IL1RAPL2: variants seen among roughly 807,000 people sequenced by gnomAD.
IL1RAPL2 encodes X-linked interleukin-1 receptor accessory protein-like 2.
Under a neutral mutation model 44.1 loss-of-function variants are expected in IL1RAPL2, and 3 were observed. That is an observed-to-expected ratio of 0.07 (90% CI 0.03 to 0.18). IL1RAPL2 has a LOEUF of 0.18. Among genes scored for constraint, IL1RAPL2 ranks in the 10% least tolerant of loss-of-function variants. The pLI is 1.00. For missense variants in IL1RAPL2, 391 were observed against 496.4 expected (o/e 0.79, Z 2.02); for synonymous variants, 181 against 178.8 (o/e 1.01, Z -0.10).
intron 2 of IL1RAPL2, among the ~76,000 whole-genome samples, chrX:104,924,194 A>T (rs1259476691): frequency 9.0e-6 from 1 of 111,708 alleles, no homozygotes; most frequent in Non-Finnish European, 1.9e-5. Flanking sequence ...AAAAACACTG[A>T]TAACAATACA....
chrX:105,103,216 T>C (rs1329760487), intron 2 of IL1RAPL2, among the ~76,000 whole-genome samples: 1 of 111,905 alleles, frequency 8.9e-6, no homozygotes, highest in Admixed American at 9.5e-5. Context: ...TTCTTCATTA[T>C]AACTGATTCT....
At chrX:105,058,300 G>T (rs774732635) in intron 2 of IL1RAPL2, among the ~76,000 whole-genome samples, 25 of 111,221 alleles carry the variant, frequency 2.2e-4, no homozygotes, top group Admixed American at 2.2e-3. Flanking sequence ...TGGTCAGGCT[G>T]GTCTCAAACT....
chrX:105,454,372 C>T (rs1257055158), intron 5 of IL1RAPL2, among the ~76,000 whole-genome samples: 4 of 111,415 alleles, frequency 3.6e-5, no homozygotes, highest in Admixed American at 1.9e-4. Context: ...GCCTTGAGGC[C>T]GAAGAGCCCC....
intron 6 of IL1RAPL2, among the ~76,000 whole-genome samples, chrX:105,493,919 G>T (rs1051601739): frequency 2.7e-5 from 3 of 111,791 alleles, no homozygotes; most frequent in African/African-American, 9.7e-5. Context: ...AAACTAATTT[G>T]TAAGCAGTAC....
At chrX:104,775,309 T>C (rs1216312471) in intron 2 of IL1RAPL2, among the ~76,000 whole-genome samples, 1 of 112,030 alleles carries the variant, frequency 8.9e-6, no homozygotes, top group African/African-American at 3.2e-5. Context: ...GATCAAATAA[T>C]CAGTGGCCAT....
chrX:105,572,482 T>A lies in IL1RAPL2; in HGVS notation c.772+88095T>A, dbSNP rs191177447. 2.6e-3 allele frequency among the ~76,000 whole-genome samples: 294 copies of A among 112,067 alleles called. 2 individuals are homozygous for A. The highest frequency in any genetic ancestry group is 9.1e-3 in the African/African-American group (280 of 30,904). On this transcript the variant is annotated intron_variant, in intron 6 of 10. Transcript: ENST00000372582. Reference sequence around the variant, plus strand: ...GATGACTTTTATATATTATCTTAAGTACAGGTATAACTTATTTTAAGTAAA... The same window carrying A: ...GATGACTTTTATATATTATCTTAAGAACAGGTATAACTTATTTTAAGTAAA...
At chrX:105,482,192 A>C (rs367728943) in intron 5 of IL1RAPL2, among the ~76,000 whole-genome samples, 31 of 112,141 alleles carry the variant, frequency 2.8e-4, no homozygotes, top group African/African-American at 8.7e-4. Context: ...GGCTCCTACT[A>C]TTAGAAATTG....
chrX:104,858,481 C>G (rs189966000), intron 2 of IL1RAPL2, among the ~76,000 whole-genome samples: 4 of 111,858 alleles, frequency 3.6e-5, no homozygotes, highest in Admixed American at 2.8e-4. Flanking sequence ...AACAAACAAA[C>G]TTGTAAACAA....
chrX:105,363,863 G>A (rs1396890546), intron 5 of IL1RAPL2, among the ~76,000 whole-genome samples: 1 of 110,944 alleles, frequency 9.0e-6, no homozygotes, highest in Non-Finnish European at 1.9e-5. Context: ...CTTATCAGAT[G>A]TATTGTTTGC....
intron 5 of IL1RAPL2, among the ~76,000 whole-genome samples, chrX:105,276,686 G>A (rs2034489023): frequency 8.9e-6 from 1 of 112,258 alleles, no homozygotes; most frequent in African/African-American, 3.2e-5. Flanking sequence ...CAGCCTGTAT[G>A]CTAAATTCAA....
At chrX:104,905,911 T>G (rs1280167346) in intron 2 of IL1RAPL2, among the ~76,000 whole-genome samples, 2 of 110,505 alleles carry the variant, frequency 1.8e-5, no homozygotes, top group Non-Finnish European at 3.8e-5. Flanking sequence ...GCCATTTTCA[T>G]GATATTGATT....
At chrX:105,193,111 A>C (rs12834373) in intron 2 of IL1RAPL2, among the ~76,000 whole-genome samples, 1 of 112,140 alleles carries the variant, frequency 8.9e-6, no homozygotes, top group Non-Finnish European at 1.9e-5. Flanking sequence ...GCCAAAGCAG[A>C]CTGTTAACAT....
At chrX:105,378,166 T>C (rs999908001) in intron 5 of IL1RAPL2, among the ~76,000 whole-genome samples, 7 of 111,542 alleles carry the variant, frequency 6.3e-5, no homozygotes, top group Non-Finnish European at 5.7e-5. Context: ...ACAAATAGTC[T>C]GTACTTCAGA....
intron 2 of IL1RAPL2, among the ~76,000 whole-genome samples, chrX:104,907,190 T>C (rs1380304227): frequency 7.2e-5 from 8 of 111,862 alleles, no homozygotes; most frequent in African/African-American, 2.6e-4. Context: ...GATTCTTCTC[T>C]CTCTTTTTCT....
chrX:105,231,166 G>C (rs1556195233), intron 3 of IL1RAPL2, among the ~76,000 whole-genome samples: 1 of 112,441 alleles, frequency 8.9e-6, no homozygotes, highest in East Asian at 2.8e-4. Context: ...ATCCAGCAGA[G>C]ATGATTACCT....
At position 105,690,066 on chromosome X, in the gene IL1RAPL2, T is replaced by C. The variant is rs183589857; in HGVS notation, c.773-27301T>C. 4.5e-3 allele frequency among the ~76,000 whole-genome samples: 499 copies of C among 109,973 alleles called. 6 individuals carry two copies. Among genetic ancestry groups the C allele is most frequent in the African/African-American group, 0.016 (474 of 30,169 alleles). On this transcript the variant is annotated intron_variant, in intron 6 of 10. Transcript: ENST00000372582. ...GGGAACATGACACACCAGGGCCTGT[T>C]GGAGGATGGGGGGCTTGGGGAGGGA... is the stretch of plus-strand genomic sequence containing the variant.
intron 5 of IL1RAPL2, among the ~76,000 whole-genome samples, chrX:105,276,159 A>G (rs145988499): frequency 8.9e-6 from 1 of 112,398 alleles, no homozygotes; most frequent in Non-Finnish European, 1.9e-5. Context: ...TAATCCCACC[A>G]CTTTGGGAGA....
rs545243077 is a variant in IL1RAPL2, at chrX:105,153,995, C to T, written c.83-41480C>T. ...ATATTTCCCCCACAAGAGACAGCTT[C>T]GCAGGGCCATTTCAAAATAGGTCAA... On this transcript the variant is annotated intron_variant, in intron 2 of 10. Coordinates refer to ENST00000372582, the MANE Select transcript of IL1RAPL2 (RefSeq NM_017416.2). 2.0e-3 allele frequency among the ~76,000 whole-genome samples: 219 copies of T among 111,601 alleles called. No homozygotes were observed. In the Middle Eastern group the frequency reaches 0.023, roughly 12 times the overall value.
intron 2 of IL1RAPL2, among the ~76,000 whole-genome samples, chrX:104,765,159 G>C (rs894199900): frequency 1.8e-5 from 2 of 111,830 alleles, no homozygotes; most frequent in African/African-American, 6.5e-5. Flanking sequence ...GAATTTAGCA[G>C]TGAAGCCATC....
Sources: allele counts gnomAD v4.1 joint callset (sites outside exome capture counted in the v4.1 genomes callset), GRCh38; gene constraint gnomAD v4.1.1; transcripts MANE v1.5; gene names NCBI Gene and HGNC (gene_info 2026-07-23, HGNC 2026-07-21).